Variants in TXNDC11 observed in about 807,000 individuals in gnomAD.
The protein encoded by TXNDC11 is thioredoxin domain-containing protein 11.
TXNDC11 carries 68 observed loss-of-function variants against 78.0 expected under a neutral mutation model. The observed-to-expected ratio is 0.87, with a 90% CI of 0.72 to 1.07. TXNDC11 has a LOEUF of 1.07. Ranked by LOEUF, TXNDC11 falls within the 50% of genes least tolerant of loss-of-function variation. TXNDC11 has a pLI of 0.00. For missense variants in TXNDC11, 1,389 were observed against 1,221.8 expected, an observed-to-expected ratio of 1.14 and a Z score of -2.04; for synonymous variants, 571 against 495.2, an observed-to-expected ratio of 1.15 and a Z score of -2.03.
intron 5 of TXNDC11, among the ~76,000 whole-genome samples, chr16:11,709,520 C>T (rs1357163753): frequency 4.7e-5 from 7 of 147,876 alleles, no homozygotes; most frequent in Non-Finnish European, 7.5e-5. Context: ...CTGCAAGCTC[C>T]GCCTCCCGGG....
In TXNDC11 at chr16:11,742,506, C is replaced by A; in HGVS notation, c.225G>T (p.Ala75=). Residue 75 remains alanine (A), a synonymous_variant, in exon 1 of 12, where the codon GCG becomes GCT. Coordinates refer to ENST00000283033, the MANE Select transcript of TXNDC11 (RefSeq NM_015914.7). ...LLCGAVALGC[A]LLLALKFTCS... The stretch of plus-strand genomic sequence containing the variant: ...AGGTGAACTTGAGGGCGAGGAGCAG[C>A]GCGCAGCCGAGCGCCACGGCCCCGC... 1 of 1,454,540 alleles carries A rather than the reference C, an allele frequency of 6.9e-7. No homozygotes were observed. The highest frequency in any genetic ancestry group is 9.0e-7 in the Non-Finnish European group (1 of 1,111,736). 90.1% of individuals were successfully genotyped at this position (1,454,540 alleles called of 1,614,324 possible).
intron 4 of TXNDC11, among the ~76,000 whole-genome samples, chr16:11,722,729 T>A (rs1253522984): frequency 1.3e-5 from 2 of 152,176 alleles, no homozygotes; most frequent in African/African-American, 4.8e-5. Context: ...CAAAAGCACT[T>A]GGCACTACAC....
At chr16:11,681,687 C>T (rs951111334) in intron 11 of TXNDC11, among the ~76,000 whole-genome samples, 2 of 152,174 alleles carry the variant, frequency 1.3e-5, no homozygotes, top group Non-Finnish European at 2.9e-5. Flanking sequence ...ATCACCCTGG[C>T]CCAGGGCCAG....
Position 11,688,426 on chromosome 16 carries a change from G to C in TXNDC11, c.1920C>G (p.Phe640Leu). Reference protein sequence around the residue: ...KLTLESFIQNFSVLYSPLKRH... With the variant: ...KLTLESFIQNLSVLYSPLKRH... ...TTTTCAAGGGACTATAGAGAACGCT[G>C]AAGTTTTGAATAAAAGACTCTAAAA... The change falls in exon 9 of 12, where the codon TTC (phenylalanine) becomes TTG (leucine). Residue 640 changes from phenylalanine (F) to leucine (L), a missense_variant. By Grantham distance (22) the Phe-to-Leu change is conservative. Coordinates refer to ENST00000283033, the MANE Select transcript of TXNDC11 (RefSeq NM_015914.7). The C allele has an allele frequency of 1.9e-6, 3 of 1,610,446 alleles. No homozygotes were observed. Among genetic ancestry groups the C allele is most frequent in the South Asian group, 2.2e-5 (2 of 90,588 alleles).
intron 4 of TXNDC11, among the ~76,000 whole-genome samples, chr16:11,730,397 A>G (rs1288322570): frequency 1.3e-5 from 2 of 152,212 alleles, no homozygotes; most frequent in Non-Finnish European, 2.9e-5. Context: ...GGCAAGATGA[A>G]AATCTGTTGA....
intron 5 of TXNDC11, among the ~76,000 whole-genome samples, chr16:11,721,026 G>A (rs1158575864): frequency 6.6e-6 from 1 of 152,016 alleles, no homozygotes; most frequent in East Asian, 1.9e-4. Flanking sequence ...ACGGGCATGA[G>A]CCACTGCGCC....
Position 11,721,577 on chromosome 16 carries a change from C to G in TXNDC11, c.793G>C (p.Asp265His), listed in dbSNP as rs1329704028. ...TGTCTTAATATGAATCATTTTTTAC[C>G]TTTCTTTAATGAATGTAATGCTGAG... is the stretch of plus-strand genomic sequence containing the variant. ...FTSALHSLKKDYLGTVRFGVI... is the reference protein window; with the variant it reads ...FTSALHSLKKHYLGTVRFGVI... The change falls in exon 5 of 12, where the codon GAT (aspartate) becomes CAT (histidine). Residue 265 changes from aspartate (D) to histidine (H), a missense_variant and splice_region_variant. Physicochemically the swap from Asp to His is moderately conservative, Grantham distance 81. Coordinates refer to ENST00000283033, the MANE Select transcript of TXNDC11 (RefSeq NM_015914.7). The G allele has an allele frequency of 1.3e-6, 2 of 1,582,202 alleles. No homozygotes were observed. Among genetic ancestry groups the G allele is most frequent in the Non-Finnish European group, 8.7e-7 (1 of 1,154,238 alleles).
Position 11,679,338 on chromosome 16 carries a change from C to G in TXNDC11, c.2734G>C (p.Glu912Gln), listed in dbSNP as rs897751771. ...ERKLEGRDGA[E>Q]SLAAQREVHP... ...ACCTCTCTCTGGGCCGCCAGGCTTTCAGCTCCATCCCTGCCCTCCAGTTTC... is the reference window on the plus strand; with the variant it reads ...ACCTCTCTCTGGGCCGCCAGGCTTTGAGCTCCATCCCTGCCCTCCAGTTTC... The change falls in exon 12 of 12, where the codon GAA (glutamate) becomes CAA (glutamine). Residue 912 changes from glutamate (E) to glutamine (Q), a missense_variant. Physicochemically the swap from Glu to Gln is conservative, Grantham distance 29. Transcript: ENST00000283033. This position sits in a 1 kb window ranked among gnomAD's most constrained non-coding sequence, Gnocchi z 4.6. 4 of 1,612,366 alleles carry G rather than the reference C, an allele frequency of 2.5e-6. No individual in the cohort carries two copies. The African/African-American group carries it at 5.3e-5, about 22-fold the overall frequency.
chr16:11,679,263 AG>A lies in TXNDC11; in HGVS notation c.2808del (p.Ser937ProfsTer52). On this transcript the variant is annotated frameshift_variant, in exon 12 of 12. Transcript: ENST00000283033. LOFTEE classifies it high-confidence loss of function. This position sits in a 1 kb window ranked among gnomAD's most constrained non-coding sequence, Gnocchi z 4.6. ...EPSATPQLPG[S>X]SPPPANVSAT... ...GCGCTGACATTGGCAGGTGGAGGGG[AG>A]CTGCCAGGGAGCTGGGGGGTGGCTG... 6.2e-7 allele frequency: 1 copy of A among 1,612,710 alleles called. No homozygotes were observed. Among genetic ancestry groups the A allele is most frequent in the Non-Finnish European group, 8.5e-7 (1 of 1,179,964 alleles).
intron 5 of TXNDC11, among the ~76,000 whole-genome samples, chr16:11,709,096 T>G (rs2141053942): frequency 6.6e-6 from 1 of 152,220 alleles, no homozygotes; most frequent in South Asian, 2.1e-4. Flanking sequence ...ACTTGCATTT[T>G]CCCCCTAGAA....
intron 4 of TXNDC11, among the ~76,000 whole-genome samples, chr16:11,723,186 G>C (rs958348993): frequency 6.6e-6 from 1 of 151,906 alleles, no homozygotes; most frequent in African/African-American, 2.4e-5. Flanking sequence ...TGAACCCAGG[G>C]GGTGGAGGCT....
At chr16:11,742,348 G>C (rs2141137576) in intron 1 of TXNDC11, 129 bp downstream of exon 1, 1 of 686,580 alleles carries the variant, frequency 1.5e-6, no homozygotes, top group Middle Eastern at 4.6e-4. Flanking sequence ...TTCCGGGAGG[G>C]GTCAGCCGTC....
At chr16:11,694,846 A>C (rs2050817518) in intron 7 of TXNDC11, among the ~76,000 whole-genome samples, 1 of 149,616 alleles carries the variant, frequency 6.7e-6, no homozygotes, top group Non-Finnish European at 1.5e-5. Flanking sequence ...AGTTTTGAAA[A>C]CACAACTCAT....
chr16:11,695,675 C>T (rs775739026), intron 7 of TXNDC11, among the ~76,000 whole-genome samples: 1 of 152,148 alleles, frequency 6.6e-6, no homozygotes, highest in Non-Finnish European at 1.5e-5. Flanking sequence ...TTCTGGAACC[C>T]TCCTGCCAGA....
At chr16:11,717,206 A>G (rs1012528617) in intron 5 of TXNDC11, among the ~76,000 whole-genome samples, 10 of 151,206 alleles carry the variant, frequency 6.6e-5, no homozygotes, top group African/African-American at 2.2e-4. Flanking sequence ...CAGGTGGATC[A>G]CTTGAGGTCA....
intron 7 of TXNDC11, among the ~76,000 whole-genome samples, chr16:11,693,393 G>A (rs1340951611): frequency 2.6e-5 from 4 of 152,148 alleles, no homozygotes; most frequent in South Asian, 2.1e-4. Flanking sequence ...AGAAGAGTCT[G>A]TCAACTTGAA....
rs1020549532 is a variant in TXNDC11 at position 11,698,421 on chromosome 16, G to A, written c.907-96C>T. The A allele has an allele frequency of 7.2e-6, 8 of 1,106,002 alleles. No individual in the cohort carries two copies. In the African/African-American group the frequency reaches 9.4e-5, roughly 13 times the overall value. The allele number at this position is 1,106,002 out of a possible 1,614,324, so 68.5% of individuals were successfully genotyped here. On this transcript the variant is annotated intron_variant, in intron 6 of 11. Coordinates refer to ENST00000283033, the MANE Select transcript of TXNDC11 (RefSeq NM_015914.7). ...CTGTTCCAACCCCACCACTAAGGGT[G>A]AGAAAACCCAGGCGTGGAGCGGGGC...
intron 8 of TXNDC11, among the ~76,000 whole-genome samples, chr16:11,689,110 ACAGGGTCTCACTCT>A: frequency 6.7e-6 from 1 of 149,920 alleles, no homozygotes; most frequent in South Asian, 2.1e-4. Flanking sequence ...TTTTAAAGAG[ACAGGGTCTCACTCT>A]GTTGCCCAGG....
Position 11,694,097 on chromosome 16 carries a change from C to CTTTTTTT in TXNDC11, c.1108-2022_1108-2016dup, listed in dbSNP as rs535913245. ...AGAAAGTATTCTGTCTACAGCAATG[C>CTTTTTTT]TTTTTTTTTTTTTTTTTTTTTTTTT... On this transcript the variant is annotated intron_variant, in intron 7 of 11. Transcript: ENST00000283033. 3.4e-4 allele frequency among the ~76,000 whole-genome samples: 29 copies of CTTTTTTT among 85,686 alleles called. 7 individuals carry two copies. Among genetic ancestry groups the CTTTTTTT allele is most frequent in the African/African-American group, 1.3e-3 (27 of 20,504 alleles). 56.2% of individuals were successfully genotyped at this position (85,686 alleles called of 152,430 possible).
Sources: gnomAD v4.1 joint callset for allele counts (sites outside exome capture counted in the v4.1 genomes callset) on GRCh38, gnomAD v4.1.1 for gene constraint, Gnocchi (gnomAD v3.1) non-coding constraint, MANE v1.5 for transcripts, NCBI Gene and HGNC (gene_info 2026-07-23, HGNC 2026-07-21) for gene names.